HTR2C: variants seen among roughly 807,000 people sequenced by gnomAD.
HTR2C encodes 5-hydroxytryptamine (serotonin) receptor 2C, G protein-coupled.
In HTR2C, 5 loss-of-function variants were observed where a neutral mutation model predicts 21.0. The observed-to-expected ratio is 0.24, with a 90% CI of 0.12 to 0.50. HTR2C has a LOEUF of 0.50. HTR2C is among the 20% of genes least tolerant of loss of function. The pLI, the probability that HTR2C is intolerant of heterozygous loss-of-function variation, is 0.98. For synonymous variants in HTR2C, 150 were observed against 145.3 expected, an observed-to-expected ratio of 1.03 and a Z score of -0.23; for missense variants, 271 against 371.2, an observed-to-expected ratio of 0.73 and a Z score of 2.22.
chrX:114,665,809 T>C (rs1194737034), intron 2 of HTR2C, among the ~76,000 whole-genome samples: 1 of 110,530 alleles, frequency 9.0e-6, no homozygotes, highest in Non-Finnish European at 1.9e-5. Flanking sequence ...GTGGAGGAAG[T>C]GGAAGGGGAG....
intron 4 of HTR2C, among the ~76,000 whole-genome samples, chrX:114,843,663 A>G (rs2070852212): frequency 9.0e-6 from 1 of 111,708 alleles, no homozygotes. Context: ...ACTCCAAAAT[A>G]TCCAAACCAA....
intron 2 of HTR2C, among the ~76,000 whole-genome samples, chrX:114,672,869 T>G (rs1193499511): frequency 3.6e-5 from 4 of 112,432 alleles, no homozygotes; most frequent in African/African-American, 1.3e-4. Flanking sequence ...GTTTCCTACT[T>G]TTTTATTGTT....
At chrX:114,771,584 G>A (rs781934655) in intron 4 of HTR2C, among the ~76,000 whole-genome samples, 5 of 111,473 alleles carry the variant, frequency 4.5e-5, no homozygotes, top group Non-Finnish European at 7.5e-5. Flanking sequence ...GGTCCTCTCT[G>A]AGTTTTCTTG....
At chrX:114,587,269 A>C (rs1927438606) in intron 1 of HTR2C, among the ~76,000 whole-genome samples, 1 of 111,683 alleles carries the variant, frequency 9.0e-6, no homozygotes, top group Admixed American at 9.5e-5. Context: ...CCAGGTTTTA[A>C]TGGCTCCTGA....
chrX:114,639,561 A>G (rs1556406023), intron 2 of HTR2C: 1 of 113,029 alleles, frequency 8.8e-6, no homozygotes, highest in African/African-American at 3.3e-5. Context: ...GTTGTAATCA[A>G]TGCATTGAGG....
chrX:114,585,498 G>C (rs1361071338), intron 1 of HTR2C, among the ~76,000 whole-genome samples: 2 of 111,539 alleles, frequency 1.8e-5, no homozygotes, highest in Non-Finnish European at 3.8e-5. Flanking sequence ...TCTTTACAGC[G>C]TTCCTCGGAA....
intron 4 of HTR2C, among the ~76,000 whole-genome samples, chrX:114,782,354 G>T (rs1244834553): frequency 2.7e-5 from 3 of 111,106 alleles, no homozygotes; most frequent in Admixed American, 9.6e-5. Flanking sequence ...GAGCAAAAAA[G>T]AATGAAGAGC....
chrX:114,797,868 C>A (rs1280841481), intron 4 of HTR2C, among the ~76,000 whole-genome samples: 1 of 111,705 alleles, frequency 9.0e-6, no homozygotes, highest in Non-Finnish European at 1.9e-5. Flanking sequence ...AGGGAACAGG[C>A]AATGTCTGAC....
At chrX:114,680,623 C>G (rs1931714057) in intron 2 of HTR2C, among the ~76,000 whole-genome samples, 1 of 111,607 alleles carries the variant, frequency 9.0e-6, no homozygotes, top group African/African-American at 3.3e-5. Flanking sequence ...CCTTCTCATC[C>G]TTGATGGTAA....
intron 2 of HTR2C, among the ~76,000 whole-genome samples, chrX:114,631,706 C>G (rs1409654734): frequency 1.8e-5 from 2 of 111,693 alleles, no homozygotes; most frequent in East Asian, 5.6e-4. Flanking sequence ...TCTTCATTCT[C>G]TGTATATAAA....
chrX:114,818,409 G>A (rs782435798), intron 4 of HTR2C, among the ~76,000 whole-genome samples: 24 of 112,092 alleles, frequency 2.1e-4, no homozygotes, highest in Non-Finnish European at 3.8e-4. Context: ...CTTTCAAATA[G>A]TAATGTCTTT....
chrX:114,807,623 C>T (rs1485417056), intron 4 of HTR2C, among the ~76,000 whole-genome samples: 1 of 107,485 alleles, frequency 9.3e-6, no homozygotes, highest in Non-Finnish European at 1.9e-5. Flanking sequence ...AAATATGTAT[C>T]CTTTCTTTGT....
intron 4 of HTR2C, among the ~76,000 whole-genome samples, chrX:114,764,671 A>C (rs1556433779): frequency 9.0e-6 from 1 of 111,451 alleles, no homozygotes. Flanking sequence ...AAAACAATGC[A>C]CCAAAAGTTT....
chrX:114,745,041 A>T (rs1035463638), intron 4 of HTR2C, among the ~76,000 whole-genome samples: 1 of 112,085 alleles, frequency 8.9e-6, no homozygotes, highest in Non-Finnish European at 1.9e-5. Context: ...AGACCCACAG[A>T]AGGGGAGAAA....
chrX:114,756,387 A>G (rs1465069046), intron 4 of HTR2C, among the ~76,000 whole-genome samples: 2 of 111,510 alleles, frequency 1.8e-5, no homozygotes, highest in African/African-American at 3.3e-5. Context: ...TTACACAAAA[A>G]CCTGTCCACT....
intron 2 of HTR2C, among the ~76,000 whole-genome samples, chrX:114,684,405 G>T (rs782119198): frequency 8.9e-6 from 1 of 111,934 alleles, no homozygotes; most frequent in East Asian, 2.8e-4. Flanking sequence ...TTTAAAAGAG[G>T]CATTGCCTAT....
intron 4 of HTR2C, among the ~76,000 whole-genome samples, chrX:114,786,126 C>A (rs1331202118): frequency 1.8e-5 from 2 of 111,994 alleles, no homozygotes; most frequent in Non-Finnish European, 3.8e-5. Flanking sequence ...CAATTAAATG[C>A]CAGTTAGTAG....
chrX:114,601,719 G>A (rs1928101195), intron 1 of HTR2C, among the ~76,000 whole-genome samples: 2 of 107,795 alleles, frequency 1.9e-5, no homozygotes, highest in Admixed American at 2.0e-4. Flanking sequence ...TCAGAGGCCT[G>A]ACATTCCTGC....
chrX:114,795,238 T>C, intron 4 of HTR2C, among the ~76,000 whole-genome samples: 1 of 110,754 alleles, frequency 9.0e-6, no homozygotes, highest in Non-Finnish European at 1.9e-5. Context: ...GTTTTTTTCT[T>C]GTAAATTTGT....
Sources: allele counts gnomAD v4.1 joint callset (sites outside exome capture counted in the v4.1 genomes callset), GRCh38; gene constraint gnomAD v4.1.1; transcripts MANE v1.5; gene names NCBI Gene and HGNC (gene_info 2026-07-23, HGNC 2026-07-21).